Variants in FOCAD observed in about 807,000 individuals in gnomAD.
The protein encoded by FOCAD is focadhesin.
In FOCAD, 198 loss-of-function variants were observed where a neutral mutation model predicts 225.6. The ratio of observed to expected loss-of-function variants is 0.88; its 90% CI spans 0.78 to 0.99. The LOEUF (loss-of-function observed/expected upper bound fraction) is 0.99. Ranked by LOEUF, FOCAD falls within the 50% of genes least tolerant of loss-of-function variation. The pLI is 0.00. For missense variants in FOCAD, 2,713 were observed against 2,123.6 expected (o/e 1.28, Z -5.46); for synonymous variants, 897 against 755.0 (o/e 1.19, Z -3.08).
intron 5 of FOCAD, among the ~76,000 whole-genome samples, chr9:20,754,237 G>A (rs1828836632): frequency 6.6e-6 from 1 of 152,112 alleles, no homozygotes; most frequent in African/African-American, 2.4e-5. Flanking sequence ...CTTGAATACA[G>A]CAAGACTGAG....
At chr9:20,834,630 G>A (rs1440132828) in intron 15 of FOCAD, among the ~76,000 whole-genome samples, 2 of 151,982 alleles carry the variant, frequency 1.3e-5, no homozygotes, top group Non-Finnish European at 2.9e-5. Context: ...CATACCACGC[G>A]ATTCCTTCCT....
At chr9:20,733,377 T>G (rs1434822775) in intron 4 of FOCAD, among the ~76,000 whole-genome samples, 1 of 152,138 alleles carries the variant, frequency 6.6e-6, no homozygotes, top group Non-Finnish European at 1.5e-5. Context: ...TTATTATACT[T>G]TAAGTTTTAG....
intron 11 of FOCAD, among the ~76,000 whole-genome samples, chr9:20,801,166 A>G (rs1219040675): frequency 1.3e-5 from 2 of 152,146 alleles, no homozygotes; most frequent in Non-Finnish European, 2.9e-5. Context: ...AACAGCGAAT[A>G]TTGGTGAACA....
intron 2 of FOCAD, among the ~76,000 whole-genome samples, chr9:20,672,140 T>G (rs1822082318): frequency 6.6e-6 from 1 of 152,200 alleles, no homozygotes; most frequent in Non-Finnish European, 1.5e-5. Flanking sequence ...TCAGTAAAAC[T>G]CCTGCAAACT....
At chr9:20,866,507 A>C (rs866803000) in intron 17 of FOCAD, among the ~76,000 whole-genome samples, 1 of 151,978 alleles carries the variant, frequency 6.6e-6, no homozygotes, top group South Asian at 2.1e-4. Flanking sequence ...AAATCATACT[A>C]CTTCATGGAG....
In FOCAD at chr9:20,887,276, C is replaced by T. The variant is rs147278574; in HGVS notation, c.2625+2046C>T. Among the ~76,000 whole-genome samples, 520 of 151,488 alleles carry T rather than the reference C, an allele frequency of 3.4e-3. 1 individual carries two copies. The highest frequency in any genetic ancestry group is 5.4e-3 in the Non-Finnish European group (364 of 67,924). On this transcript the variant is annotated intron_variant, in intron 21 of 43. Coordinates refer to ENST00000338382, the MANE Select transcript of FOCAD (RefSeq NM_001375567.1). ...TTGAGATGAAGTCTCACTCTGCTGT[C>T]CAGGCTGGAGTGCAATGGTGCAATC...
At chr9:20,929,081 T>C (rs1019996324) in intron 26 of FOCAD, 7 of 319,582 alleles carry the variant, frequency 2.2e-5, no homozygotes, top group Middle Eastern at 1.8e-3. Flanking sequence ...TCAAGCCTTA[T>C]AGTGAGGGAA....
intron 11 of FOCAD, among the ~76,000 whole-genome samples, chr9:20,809,139 G>A (rs376117985): frequency 5.9e-5 from 9 of 152,298 alleles, no homozygotes; most frequent in African/African-American, 2.2e-4. Context: ...GGTGTTCACA[G>A]CATATCAACA....
chr9:20,675,745 G>A (rs887174178), intron 2 of FOCAD, among the ~76,000 whole-genome samples: 4 of 152,170 alleles, frequency 2.6e-5, no homozygotes, highest in Non-Finnish European at 4.4e-5. Flanking sequence ...TGTTTCAGAC[G>A]ATTAACCTTT....
chr9:20,706,841 A>G (rs936435331), intron 1 of FOCAD, among the ~76,000 whole-genome samples: 3 of 152,198 alleles, frequency 2.0e-5, no homozygotes, highest in African/African-American at 4.8e-5. Flanking sequence ...GCAAGCTATC[A>G]TTTAGGGATC....
At chr9:20,709,746 T>A (rs1472147320) in intron 1 of FOCAD, among the ~76,000 whole-genome samples, 3 of 152,192 alleles carry the variant, frequency 2.0e-5, no homozygotes, top group Non-Finnish European at 4.4e-5. Flanking sequence ...GGGTAGTGGT[T>A]TTGAGAATGC....
At position 20,965,256 on chromosome 9, in the gene FOCAD, A is replaced by G. The variant is rs75883729; in HGVS notation, c.4133-11164A>G. ...TGGTGGAGTGGCAGGGCCAATGTCTATGTAGCAGTTGTGTTAGGGTACTTT... is the reference window on the plus strand; with the variant it reads ...TGGTGGAGTGGCAGGGCCAATGTCTGTGTAGCAGTTGTGTTAGGGTACTTT... On this transcript the variant is annotated intron_variant, in intron 35 of 43. Coordinates refer to ENST00000338382, the MANE Select transcript of FOCAD (RefSeq NM_001375567.1). 4.2e-4 allele frequency among the ~76,000 whole-genome samples: 64 copies of G among 152,270 alleles called. 2 individuals carry two copies. The East Asian group carries it at 0.011, about 27-fold the overall frequency.
chr9:20,750,984 T>G (rs1204807477), intron 5 of FOCAD, among the ~76,000 whole-genome samples: 4 of 152,120 alleles, frequency 2.6e-5, no homozygotes, highest in Non-Finnish European at 5.9e-5. Flanking sequence ...GGAAAGTATT[T>G]AGTCTGATCG....
At chr9:20,659,423 G>GGAGA (rs1821640339) in intron 2 of FOCAD, among the ~76,000 whole-genome samples, 1 of 18,216 alleles carries the variant, frequency 5.5e-5, no homozygotes, top group African/African-American at 6.6e-4. Flanking sequence ...GAGAAAGAAA[G>GGAGA]GAGAAAGAAA....
chr9:20,854,024 T>C (rs967791862), intron 15 of FOCAD, among the ~76,000 whole-genome samples: 3 of 151,818 alleles, frequency 2.0e-5, no homozygotes, highest in Non-Finnish European at 4.4e-5. Context: ...TGCGTGATGA[T>C]GACTTGAGTC....
chr9:20,920,105 C>G (rs1038807268), intron 24 of FOCAD, among the ~76,000 whole-genome samples: 1 of 151,758 alleles, frequency 6.6e-6, no homozygotes, highest in Non-Finnish European at 1.5e-5. Flanking sequence ...TGAACTCAAA[C>G]AAATTCACAA....
At chr9:20,767,633 G>C (rs1830166405) in intron 7 of FOCAD, among the ~76,000 whole-genome samples, 1 of 147,756 alleles carries the variant, frequency 6.8e-6, no homozygotes, top group African/African-American at 2.5e-5. Context: ...CTTTTGAGAA[G>C]TGTCTGTTCA....
chr9:20,901,617 G>T (rs1052803004), intron 21 of FOCAD, among the ~76,000 whole-genome samples: 16 of 151,794 alleles, frequency 1.1e-4, no homozygotes, highest in Non-Finnish European at 1.9e-4. Flanking sequence ...TAACTAGATG[G>T]ATATGTAGTC....
chr9:20,689,308 C>T (rs1301269444), intron 1 of FOCAD, among the ~76,000 whole-genome samples: 1 of 151,834 alleles, frequency 6.6e-6, no homozygotes, highest in Non-Finnish European at 1.5e-5. Flanking sequence ...AATTGCTCAC[C>T]CAGATGACTG....
Sources: gnomAD v4.1 joint callset for allele counts (sites outside exome capture counted in the v4.1 genomes callset) on GRCh38, gnomAD v4.1.1 for gene constraint, MANE v1.5 for transcripts, NCBI Gene and HGNC (gene_info 2026-07-23, HGNC 2026-07-21) for gene names.